FRMPD4: variants seen among roughly 807,000 people sequenced by gnomAD.
FRMPD4 encodes FERM and PDZ domain-containing protein 4.
In FRMPD4, 22 loss-of-function variants were observed where a neutral mutation model predicts 94.1. The ratio of observed to expected loss-of-function variants is 0.23; its 90% confidence interval spans 0.17 to 0.33. FRMPD4 has a LOEUF of 0.33. Ranked by LOEUF, FRMPD4 falls within the 10% of genes least tolerant of loss-of-function variation. FRMPD4 has a pLI of 1.00. For synonymous variants in FRMPD4, 631 were observed against 548.6 expected, an observed-to-expected ratio of 1.15 and a Z score of -2.10; for missense variants, 1,111 against 1,339.9, an observed-to-expected ratio of 0.83 and a Z score of 2.67.
intron 1 of FRMPD4, among the ~76,000 whole-genome samples, chrX:12,417,842 T>C (rs1224227845): frequency 4.7e-5 from 5 of 107,484 alleles, no homozygotes; most frequent in African/African-American, 1.4e-4. Flanking sequence ...ACCCCGTCTC[T>C]ACTTAGCCGG....
intron 1 of FRMPD4, among the ~76,000 whole-genome samples, chrX:12,266,156 A>C (rs1432015548): frequency 9.7e-6 from 1 of 102,735 alleles, no homozygotes; most frequent in Non-Finnish European, 2.0e-5. Flanking sequence ...AAAAAAAAAA[A>C]AAAAAGAGAA....
chrX:12,227,238 T>A (rs2056932401), intron 1 of FRMPD4, among the ~76,000 whole-genome samples: 1 of 111,166 alleles, frequency 9.0e-6, no homozygotes, highest in Non-Finnish European at 1.9e-5. Flanking sequence ...GGTGGCAGCA[T>A]CAGGATGCCT....
At chrX:12,447,158 C>G (rs1468099792) in intron 1 of FRMPD4, among the ~76,000 whole-genome samples, 1 of 111,606 alleles carries the variant, frequency 9.0e-6, no homozygotes, top group Non-Finnish European at 1.9e-5. Flanking sequence ...TCAGTGATGG[C>G]AAGAAACCTA....
At chrX:12,194,504 G>T (rs191828430) in intron 1 of FRMPD4, among the ~76,000 whole-genome samples, 1 of 111,038 alleles carries the variant, frequency 9.0e-6, no homozygotes, top group Non-Finnish European at 1.9e-5. Context: ...AATTTGGGGT[G>T]CTGCCCCGTT....
intron 1 of FRMPD4, among the ~76,000 whole-genome samples, chrX:12,178,677 CAAATA>C (rs928576775): frequency 6.3e-5 from 7 of 111,872 alleles, no homozygotes; most frequent in African/African-American, 2.3e-4. Context: ...GTATAAAAAA[CAAATA>C]AGGTGTATGT....
chrX:12,163,460 TG>T (rs1246592994), intron 1 of FRMPD4, among the ~76,000 whole-genome samples: 5 of 76,226 alleles, frequency 6.6e-5, no homozygotes, highest in African/African-American at 2.8e-4. Context: ...AATGACCCTT[TG>T]TAAAAAAAAA....
intron 2 of FRMPD4, among the ~76,000 whole-genome samples, chrX:11,872,455 C>T (rs979329749): frequency 3.6e-5 from 4 of 112,253 alleles, no homozygotes; most frequent in Admixed American, 2.8e-4. Context: ...AAATCTCATT[C>T]TATCTTTTTT....
intron 3 of FRMPD4, among the ~76,000 whole-genome samples, chrX:12,048,954 G>A (rs894787992): frequency 2.7e-5 from 3 of 111,377 alleles, no homozygotes; most frequent in Non-Finnish European, 5.7e-5. Context: ...GCTTAGGATT[G>A]CTTTGTCTAT....
At chrX:12,506,197 G>T (rs1342521582) in intron 2 of FRMPD4, among the ~76,000 whole-genome samples, 1 of 112,103 alleles carries the variant, frequency 8.9e-6, no homozygotes, top group Non-Finnish European at 1.9e-5. Context: ...CAAAAAGCAG[G>T]ATAAAAGTGC....
chrX:12,539,327 G>C (rs2058377840), intron 2 of FRMPD4, among the ~76,000 whole-genome samples: 1 of 112,187 alleles, frequency 8.9e-6, no homozygotes, highest in African/African-American at 3.2e-5. Context: ...GTACCTGAAA[G>C]TGACAGGGAG....
chrX:11,826,365 A>G (rs57725383), intron 1 of FRMPD4, among the ~76,000 whole-genome samples: 4 of 111,331 alleles, frequency 3.6e-5, no homozygotes, highest in African/African-American at 1.3e-4. Context: ...TTATATTACA[A>G]ACCATATGCA....
intron 1 of FRMPD4, among the ~76,000 whole-genome samples, chrX:12,231,018 A>AGT (rs1555938206): frequency 2.2e-5 from 1 of 46,064 alleles, no homozygotes; most frequent in Non-Finnish European, 4.0e-5. Context: ...TAGTATATAT[A>AGT]GTATATATAT....
intron 1 of FRMPD4, among the ~76,000 whole-genome samples, chrX:12,324,893 CTG>C (rs1452564402): frequency 8.9e-6 from 1 of 112,003 alleles, no homozygotes; most frequent in African/African-American, 3.2e-5. Context: ...CTTTTAATAT[CTG>C]TGTACAAGAA....
At chrX:12,666,007 G>A (rs923215933) in intron 4 of FRMPD4, among the ~76,000 whole-genome samples, 7 of 110,137 alleles carry the variant, frequency 6.4e-5, no homozygotes, top group South Asian at 3.9e-4. Flanking sequence ...AAGACCCATC[G>A]GTGTGCTGTA....
At chrX:12,653,002 G>T (rs1485813178) in intron 4 of FRMPD4, among the ~76,000 whole-genome samples, 1 of 112,024 alleles carries the variant, frequency 8.9e-6, no homozygotes, top group Admixed American at 9.5e-5. Flanking sequence ...GAAGGTTAAA[G>T]AGCTGGGGCC....
rs2054622350 is a variant in FRMPD4 at position 12,019,627 on chromosome X, C to G, written c.95+141609C>G. The stretch of plus-strand genomic sequence containing the variant: ...GCAGGTTCCCTGGGTGAGAACTCAA[C>G]TGGACTGCTCACTTTTTTTTTTTTA... On this transcript the variant is annotated intron_variant, in intron 3 of 18. Coordinates refer to the FRMPD4 transcript ENST00000640291. Among the ~76,000 whole-genome samples the G allele has an allele frequency of 2.7e-5, 3 of 110,357 alleles. No homozygotes were observed. The South Asian group carries it at 1.2e-3, about 44-fold the overall frequency.
At chrX:11,950,044 A>G (rs1297079275) in intron 3 of FRMPD4, among the ~76,000 whole-genome samples, 1 of 111,810 alleles carries the variant, frequency 8.9e-6, no homozygotes, top group East Asian at 2.8e-4. Flanking sequence ...TGTAATCCCC[A>G]TAATCCCCAC....
intron 1 of FRMPD4, among the ~76,000 whole-genome samples, chrX:12,251,928 A>C (rs759087159): frequency 3.6e-5 from 4 of 112,337 alleles, no homozygotes; most frequent in Non-Finnish European, 7.5e-5. Flanking sequence ...TTCCTTGTGA[A>C]GTAGAGGAAA....
rs142025193 is a variant in FRMPD4, at chrX:12,716,384, C to T, written c.1925C>T (p.Ala642Val). Residue 642 changes from alanine (A) to valine (V), a missense_variant, in exon 15 of 17, where the codon GCA (alanine) becomes GTA (valine). By Grantham distance (64) the Ala-to-Val change is moderately conservative. This residue lies in a region of FRMPD4 where 192 missense variants were observed against 192.5 expected (regional missense o/e 1.00). Coordinates refer to ENST00000675598, the MANE Select transcript of FRMPD4 (RefSeq NM_001368397.1). ...TLSGPETLKKAQESPRGAKVS... is the reference protein window; with the variant it reads ...TLSGPETLKKVQESPRGAKVS... ...TCAGGACCAGAAACTCTGAAGAAAG[C>T]ACAGGAATCTCCGAGAGGAGCTAAA... The T allele has an allele frequency of 1.6e-4, 197 of 1,209,269 alleles. No individual in the cohort carries two copies. The highest frequency in any genetic ancestry group is 6.9e-4 in the Middle Eastern group (3 of 4,373).
Sources: gnomAD v4.1 joint callset for allele counts (sites outside exome capture counted in the v4.1 genomes callset) on GRCh38, gnomAD v4.1.1 for gene constraint, gnomAD v4.1.1 regional missense constraint, MANE v1.5 for transcripts, NCBI Gene and HGNC (gene_info 2026-07-23, HGNC 2026-07-21) for gene names.